Variants in RAB28 observed in about 807,000 individuals in gnomAD.
RAB28 encodes the protein ras-related protein Rab-28.
A neutral mutation model predicts 31.7 loss-of-function variants in RAB28; 24 were observed. That is an observed-to-expected ratio of 0.76 (90% CI 0.55 to 1.06). RAB28 has a LOEUF of 1.06. Among genes scored for constraint, RAB28 ranks in the 50% least tolerant of loss-of-function variants. The pLI is 0.00. For missense variants in RAB28, 254 were observed against 258.5 expected, an observed-to-expected ratio of 0.98 and a Z score of 0.12; for synonymous variants, 100 against 90.4, an observed-to-expected ratio of 1.11 and a Z score of -0.60.
chr4:13,402,707 T>C lies in RAB28; in HGVS notation c.392-21113A>G, dbSNP rs1239883112. Among the ~76,000 whole-genome samples, 4 of 152,148 alleles carry C rather than the reference T, an allele frequency of 2.6e-5. No homozygotes were observed. The East Asian group carries it at 7.7e-4, about 29-fold the overall frequency. ...GATTATTTCTATATTTTAATTGATA[T>C]ATTTAGACCAGATATTAGCAAACAT... On this transcript the variant is annotated intron_variant, in intron 4 of 6. Transcript: ENST00000330852.
At chr4:13,446,801 T>C (rs1714721867) in intron 4 of RAB28, among the ~76,000 whole-genome samples, 1 of 152,058 alleles carries the variant, frequency 6.6e-6, no homozygotes, top group Non-Finnish European at 1.5e-5. Context: ...CTCGGTCATT[T>C]TGGCCCCTCC....
At chr4:13,411,674 T>C (rs187526990) in intron 4 of RAB28, among the ~76,000 whole-genome samples, 7 of 152,206 alleles carry the variant, frequency 4.6e-5, no homozygotes, top group Admixed American at 2.0e-4. Context: ...TGTTAAAACA[T>C]ATTTTAAAAA....
chr4:13,434,918 C>T (rs575806848), intron 4 of RAB28, among the ~76,000 whole-genome samples: 2 of 149,406 alleles, frequency 1.3e-5, no homozygotes, highest in South Asian at 4.2e-4. Flanking sequence ...ACTCAGGAGG[C>T]TGAGGCAGGA....
intron 4 of RAB28, among the ~76,000 whole-genome samples, chr4:13,392,536 G>A (rs1367056956): frequency 6.6e-6 from 1 of 152,094 alleles, no homozygotes; most frequent in Non-Finnish European, 1.5e-5. Context: ...AGATTCATCT[G>A]GAAAGAAAGT....
At chr4:13,390,469 T>A (rs901856600) in intron 4 of RAB28, among the ~76,000 whole-genome samples, 22 of 151,682 alleles carry the variant, frequency 1.5e-4, no homozygotes, top group African/African-American at 5.3e-4. Flanking sequence ...AGAATCAATA[T>A]CATGAAAAAC....
chr4:13,474,282 CT>C (rs1716250210), intron 3 of RAB28, 35 bp downstream of exon 3: 2 of 1,374,526 alleles, frequency 1.5e-6, no homozygotes, highest in South Asian at 2.4e-5. Flanking sequence ...AAGTGGTATA[CT>C]TTCAATACTG....
rs114022308 is a variant in RAB28, at chr4:13,452,296, A to G, written c.391+8403T>C. Among the ~76,000 whole-genome samples the G allele has an allele frequency of 3.6e-3, 539 of 150,988 alleles. 2 individuals are homozygous for G. Among genetic ancestry groups the G allele is most frequent in the Non-Finnish European group, 6.4e-3 (429 of 67,484 alleles). On this transcript the variant is annotated intron_variant, in intron 4 of 6. Transcript: ENST00000330852. ...ATTTATTTCTGCTCTGATCTTTATT[A>G]TTTCTTTCCTTCTACTGATTTTGGG... is the stretch of plus-strand genomic sequence containing the variant.
At chr4:13,387,515 C>A (rs1444158739) in intron 4 of RAB28, among the ~76,000 whole-genome samples, 1 of 152,002 alleles carries the variant, frequency 6.6e-6, no homozygotes, top group Non-Finnish European at 1.5e-5. Context: ...AAAATCCATA[C>A]CTCATTGTCA....
chr4:13,430,009 G>C (rs1430012575), intron 4 of RAB28, among the ~76,000 whole-genome samples: 1 of 152,186 alleles, frequency 6.6e-6, no homozygotes, highest in East Asian at 1.9e-4. Context: ...AAACAGAAGT[G>C]AGAGTCCAGC....
At chr4:13,474,486 GAA>G in intron 2 of RAB28, 80 bp from the exon 3 acceptor site, 1 of 810,630 alleles carries the variant, frequency 1.2e-6, no homozygotes. Context: ...CAGTATCACA[GAA>G]TACTAAGTCA....
intron 4 of RAB28, among the ~76,000 whole-genome samples, chr4:13,401,695 A>G (rs1283678515): frequency 6.6e-6 from 1 of 151,198 alleles, no homozygotes; most frequent in Admixed American, 6.6e-5. Context: ...CTCTTTTTTT[A>G]TTGTCATTTT....
chr4:13,419,329 T>G (rs1034635253), intron 4 of RAB28, among the ~76,000 whole-genome samples: 2 of 152,150 alleles, frequency 1.3e-5, no homozygotes, highest in Non-Finnish European at 2.9e-5. Flanking sequence ...CTGTCAATAT[T>G]AGACAGATCA....
chr4:13,376,648 G>A (rs750622649), intron 5 of RAB28, 26 bp from the exon 6 acceptor site: 2 of 1,495,872 alleles, frequency 1.3e-6, no homozygotes, highest in African/African-American at 2.8e-5. Flanking sequence ...GGGTTTAAAT[G>A]ATTTAAAAGA....
chr4:13,434,494 C>A (rs1400461528), intron 4 of RAB28, among the ~76,000 whole-genome samples: 3 of 152,076 alleles, frequency 2.0e-5, no homozygotes, highest in East Asian at 1.9e-4. Flanking sequence ...AACTTCAACA[C>A]CCCACTGACA....
intron 4 of RAB28, among the ~76,000 whole-genome samples, chr4:13,442,865 T>C (rs1226454586): frequency 6.6e-6 from 1 of 152,150 alleles, no homozygotes; most frequent in Non-Finnish European, 1.5e-5. Context: ...GTAGGGACCT[T>C]ACCACAGTCA....
At chr4:13,429,887 AG>A (rs35750907) in intron 4 of RAB28, among the ~76,000 whole-genome samples, 1,761 of 152,346 alleles carry the variant, frequency 0.012, 13 homozygotes, top group Non-Finnish European at 0.018. Context: ...ACAGTAATCT[AG>A]TTTATTCAAT....
chr4:13,432,443 T>C lies in RAB28; in HGVS notation c.391+28256A>G, dbSNP rs187380654. On this transcript the variant is annotated intron_variant, in intron 4 of 6. Coordinates refer to ENST00000330852, the MANE Select transcript of RAB28 (RefSeq NM_001017979.3). ...CCAGAGAAAGGAATTAAGAGAACTC[T>C]TGGGAGATGCTCTACAAGATGACCA... Among the ~76,000 whole-genome samples, 126 of 152,242 alleles carry C rather than the reference T, an allele frequency of 8.3e-4. 1 individual carries two copies. The highest frequency in any genetic ancestry group is 1.0e-3 in the Non-Finnish European group (69 of 68,016).
At chr4:13,457,227 A>G (rs891581782) in intron 4 of RAB28, among the ~76,000 whole-genome samples, 2 of 152,168 alleles carry the variant, frequency 1.3e-5, no homozygotes, top group Non-Finnish European at 2.9e-5. Flanking sequence ...TTTGCCTTTA[A>G]CCAGTGTGAA....
At chr4:13,445,085 T>C (rs904729472) in intron 4 of RAB28, among the ~76,000 whole-genome samples, 7 of 152,024 alleles carry the variant, frequency 4.6e-5, no homozygotes, top group Non-Finnish European at 1.0e-4. Flanking sequence ...TCCTTTTTTC[T>C]TTTTTCTCTA....
Sources: allele counts gnomAD v4.1 joint callset (sites outside exome capture counted in the v4.1 genomes callset), GRCh38; gene constraint gnomAD v4.1.1; transcripts MANE v1.5; gene names NCBI Gene and HGNC (gene_info 2026-07-23, HGNC 2026-07-21).